The following FAM107B variants were observed in gnomAD, a reference collection of about 807,000 sequenced individuals.
FAM107B encodes the protein family with sequence similarity 107 member B, also known as protein FAM107B.
FAM107B carries 21 observed loss-of-function variants against 31.5 expected under a neutral mutation model. The observed-to-expected ratio is 0.67, with a 90% confidence interval of 0.47 to 0.96. FAM107B has a LOEUF of 0.96. FAM107B is among the 40% of genes least tolerant of loss of function. The pLI, the probability that FAM107B is intolerant of heterozygous loss-of-function variation, is 0.00. For synonymous variants in FAM107B, 157 were observed against 141.5 expected (o/e 1.11, Z -0.78); for missense variants, 452 against 377.1 (o/e 1.20, Z -1.64).
chr10:14,713,185 A>G (rs1214643709), intron 1 of FAM107B, among the ~76,000 whole-genome samples: 1 of 152,180 alleles, frequency 6.6e-6, no homozygotes, highest in Non-Finnish European at 1.5e-5. Flanking sequence ...ACCTCCCTCA[A>G]CAATGGACAA....
At chr10:14,550,601 C>G (rs905937806) in intron 2 of FAM107B, among the ~76,000 whole-genome samples, 1 of 152,200 alleles carries the variant, frequency 6.6e-6, no homozygotes, top group Non-Finnish European at 1.5e-5. Flanking sequence ...AAATGCTCCA[C>G]CTGATACGAA....
Position 14,587,239 on chromosome 10 carries a change from G to C in FAM107B, c.470-56724C>G, listed in dbSNP as rs148451671. ...ATCGTCCTTCTAATGCGCCAGTGTC[G>C]GAACTAATAAATGACAACATACATC... is the stretch of plus-strand genomic sequence containing the variant. On this transcript the variant is annotated intron_variant, in intron 2 of 4. Coordinates refer to ENST00000181796, the MANE Select transcript of FAM107B (RefSeq NM_031453.4). Among the ~76,000 whole-genome samples the C allele has an allele frequency of 1.7e-3, 257 of 152,124 alleles. 1 individual carries two copies. Among genetic ancestry groups the C allele is most frequent in the African/African-American group, 5.7e-3 (238 of 41,512 alleles).
At chr10:14,707,158 A>G (rs987093274) in intron 1 of FAM107B, among the ~76,000 whole-genome samples, 17 of 152,016 alleles carry the variant, frequency 1.1e-4, no homozygotes, top group Non-Finnish European at 2.4e-4. Context: ...ACAAAAAAAC[A>G]AAACAACAAA....
intron 2 of FAM107B, among the ~76,000 whole-genome samples, chr10:14,632,525 G>A (rs1303966236): frequency 6.7e-6 from 1 of 150,132 alleles, no homozygotes; most frequent in Non-Finnish European, 1.5e-5. Flanking sequence ...GCAGGAGAAT[G>A]GCGTGAACCC....
chr10:14,624,683 T>C (rs1355639624), intron 2 of FAM107B, among the ~76,000 whole-genome samples: 2 of 151,842 alleles, frequency 1.3e-5, no homozygotes, highest in African/African-American at 4.8e-5. Flanking sequence ...TGAACGTCCC[T>C]GAGTCCGTTT....
chr10:14,541,016 C>T (rs1848136670), intron 2 of FAM107B, among the ~76,000 whole-genome samples: 1 of 152,198 alleles, frequency 6.6e-6, no homozygotes, highest in African/African-American at 2.4e-5. Flanking sequence ...GAAACAATCC[C>T]TCGCAGTCTT....
At chr10:14,656,523 C>T (rs752166952) in intron 2 of FAM107B, among the ~76,000 whole-genome samples, 26 of 152,152 alleles carry the variant, frequency 1.7e-4, no homozygotes, top group African/African-American at 4.8e-5. Context: ...ACTGGACATT[C>T]GGGTTCCTGG....
At chr10:14,759,271 A>T (rs1173722799) in intron 1 of FAM107B, among the ~76,000 whole-genome samples, 1 of 152,240 alleles carries the variant, frequency 6.6e-6, no homozygotes, top group African/African-American at 2.4e-5. Flanking sequence ...ACGTAGGTGA[A>T]AGAAGTATAG....
At chr10:14,587,663 AG>A (rs1431107112) in intron 2 of FAM107B, among the ~76,000 whole-genome samples, 3 of 152,214 alleles carry the variant, frequency 2.0e-5, no homozygotes, top group Admixed American at 1.3e-4. Context: ...CCTAGCAACT[AG>A]GAAGTTTTGT....
chr10:14,735,179 G>T (rs1261111751), intron 1 of FAM107B, among the ~76,000 whole-genome samples: 2 of 152,248 alleles, frequency 1.3e-5, no homozygotes, highest in Non-Finnish European at 2.9e-5. Flanking sequence ...TGATAGGATA[G>T]ATCAAGCATG....
intron 1 of FAM107B, among the ~76,000 whole-genome samples, chr10:14,745,851 C>A (rs550518704): frequency 6.6e-6 from 1 of 152,188 alleles, no homozygotes; most frequent in South Asian, 2.1e-4. Context: ...TTCTGAATAA[C>A]CTTGTTAATT....
intron 2 of FAM107B, among the ~76,000 whole-genome samples, chr10:14,664,356 G>A (rs1854352203): frequency 6.6e-6 from 1 of 152,178 alleles, no homozygotes; most frequent in Non-Finnish European, 1.5e-5. Flanking sequence ...GAGGGATGGA[G>A]TCAAGTCTGT....
In FAM107B at chr10:14,770,559, CA is replaced by C. The variant is rs1406330459; in HGVS notation, c.411+3693del. On this transcript the variant is annotated intron_variant, in intron 1 of 4. Transcript: ENST00000181796. ...AATAAAAATAAAATAAAATAAACAG[CA>C]GTACTGCTGAATTTCGTTGAGTCTA... Among the ~76,000 whole-genome samples the C allele has an allele frequency of 2.0e-5, 3 of 152,022 alleles. No homozygotes were observed. The East Asian group carries it at 5.8e-4, about 29-fold the overall frequency.
chr10:14,633,381 A>G (rs1330029375), intron 2 of FAM107B, among the ~76,000 whole-genome samples: 2 of 152,218 alleles, frequency 1.3e-5, no homozygotes, highest in Non-Finnish European at 2.9e-5. Context: ...AAATACCACT[A>G]TACAAGATAT....
At position 14,629,111 on chromosome 10, in the gene FAM107B, T is replaced by C. The variant is rs1200868101; in HGVS notation, c.469+38523A>G. ...ACTAAATATATAAAATTTATAAATA[T>C]GAAAGCAATTTAAGATGTTTAAAGG... On this transcript the variant is annotated intron_variant, in intron 2 of 4. Coordinates refer to ENST00000181796, the MANE Select transcript of FAM107B (RefSeq NM_031453.4). Among the ~76,000 whole-genome samples the C allele has an allele frequency of 9.5e-5, 14 of 148,098 alleles. No individual in the cohort carries two copies. The East Asian group carries it at 2.7e-3, about 29-fold the overall frequency.
chr10:14,714,532 G>T (rs1855738154), intron 1 of FAM107B, among the ~76,000 whole-genome samples: 1 of 152,026 alleles, frequency 6.6e-6, no homozygotes, highest in Admixed American at 6.5e-5. Context: ...TCAGTAGACA[G>T]CAGGCCCAGG....
intron 2 of FAM107B, chr10:14,572,493 G>A (rs1270845725): frequency 5.3e-6 from 4 of 757,112 alleles, no homozygotes; most frequent in Non-Finnish European, 6.4e-6. Context: ...GCCCTCCTGA[G>A]GCTGGGATTC....
chr10:14,544,769 A>C (rs943006641), intron 2 of FAM107B, among the ~76,000 whole-genome samples: 1 of 152,252 alleles, frequency 6.6e-6, no homozygotes, highest in East Asian at 1.9e-4. Context: ...TAAATATCTA[A>C]TAATGGAATA....
At chr10:14,629,473 TATATATATAAC>T (rs1314678614) in intron 2 of FAM107B, among the ~76,000 whole-genome samples, 1 of 58,472 alleles carries the variant, frequency 1.7e-5, no homozygotes, top group African/African-American at 8.0e-5. Context: ...ATATATTTAA[TATATATATAAC>T]ATATATAATA....
Sources: allele counts gnomAD v4.1 joint callset (sites outside exome capture counted in the v4.1 genomes callset), GRCh38; gene constraint gnomAD v4.1.1; transcripts MANE v1.5; gene names NCBI Gene and HGNC (gene_info 2026-07-23, HGNC 2026-07-21).